The following SLIT3 variants were observed in gnomAD, a reference collection of about 807,000 sequenced individuals.
The protein encoded by SLIT3 is slit guidance ligand 3, also known as slit homolog 3 protein.
SLIT3 carries 68 observed loss-of-function variants against 184.0 expected under a neutral mutation model. The ratio of observed to expected loss-of-function variants is 0.37; its 90% CI spans 0.30 to 0.45. SLIT3 has a LOEUF of 0.45. Ranked by LOEUF, SLIT3 falls within the 20% of genes least tolerant of loss-of-function variation. SLIT3 has a pLI of 1.00. For synonymous variants in SLIT3, 831 were observed against 828.6 expected (o/e 1.00, Z -0.05); for missense variants, 1,707 against 2,026.0 (o/e 0.84, Z 3.02).
chr5:168,722,682 C>T (rs1434391819), intron 22 of SLIT3, among the ~76,000 whole-genome samples: 1 of 152,184 alleles, frequency 6.6e-6, no homozygotes, highest in Non-Finnish European at 1.5e-5. Context: ...AATTCACAAA[C>T]CACAAAAGGT....
intron 3 of SLIT3, among the ~76,000 whole-genome samples, chr5:169,197,026 T>G (rs527789161): frequency 1.1e-3 from 171 of 152,266 alleles, no homozygotes; most frequent in Non-Finnish European, 2.1e-3. Context: ...CTGTCTTCAG[T>G]GAGTAGGGTG....
intron 4 of SLIT3, among the ~76,000 whole-genome samples, chr5:169,015,047 G>A (rs1466672589): frequency 1.3e-5 from 2 of 151,764 alleles, no homozygotes; most frequent in African/African-American, 2.4e-5. Context: ...GCAAAACCTT[G>A]TCATTGATAA....
In SLIT3 at chr5:169,240,108, C is replaced by G. The variant is rs77943262; in HGVS notation, c.341+4597G>C. On this transcript the variant is annotated intron_variant, in intron 3 of 35. Coordinates refer to ENST00000519560, the MANE Select transcript of SLIT3 (RefSeq NM_003062.4). ...TTTTCTTATTAACTTCTTGATTATT[C>G]CTGCTGACAGAGAACATGCTCCATA... 7.8e-3 allele frequency among the ~76,000 whole-genome samples: 1,187 copies of G among 151,990 alleles called. 12 individuals are homozygous for G. The highest frequency in any genetic ancestry group is 0.026 in the African/African-American group (1,095 of 41,504).
intron 6 of SLIT3, among the ~76,000 whole-genome samples, chr5:168,836,275 T>C (rs1166425309): frequency 6.6e-6 from 1 of 152,184 alleles, no homozygotes; most frequent in Non-Finnish European, 1.5e-5. Context: ...GCTCCCTGGC[T>C]TGGAGGTCCA....
intron 5 of SLIT3, among the ~76,000 whole-genome samples, chr5:168,867,717 C>G (rs985254949): frequency 7.2e-5 from 11 of 152,180 alleles, no homozygotes; most frequent in African/African-American, 2.4e-4. Context: ...TTGCCTCCCC[C>G]GAGCCTTCTT....
At chr5:168,776,900 G>A (rs1755770506) in intron 12 of SLIT3, among the ~76,000 whole-genome samples, 1 of 152,082 alleles carries the variant, frequency 6.6e-6, no homozygotes, top group Admixed American at 6.6e-5. Flanking sequence ...GGCCTTCTGA[G>A]TACATCATCT....
chr5:168,854,316 T>C (rs930190410), intron 5 of SLIT3, among the ~76,000 whole-genome samples: 1 of 131,676 alleles, frequency 7.6e-6, no homozygotes, highest in Admixed American at 8.6e-5. Context: ...TTCATTGGCC[T>C]GCAAAGTATT....
chr5:168,943,792 G>A (rs921846591), intron 4 of SLIT3, among the ~76,000 whole-genome samples: 2 of 152,082 alleles, frequency 1.3e-5, no homozygotes, highest in Non-Finnish European at 2.9e-5. Context: ...TCACCTCCAT[G>A]CTCACACAGA....
At chr5:168,672,917 T>A (rs1680497404) in intron 33 of SLIT3, among the ~76,000 whole-genome samples, 2 of 152,186 alleles carry the variant, frequency 1.3e-5, no homozygotes, top group Admixed American at 1.3e-4. Flanking sequence ...CCTGCTTCCA[T>A]CTCCTGCCTC....
chr5:169,269,774 C>A (rs1050072052), intron 1 of SLIT3, among the ~76,000 whole-genome samples: 3 of 152,250 alleles, frequency 2.0e-5, no homozygotes, highest in Non-Finnish European at 4.4e-5. Context: ...AACTTCATGT[C>A]CACTCCCAAC....
At chr5:169,135,603 G>A (rs1332225253) in intron 4 of SLIT3, among the ~76,000 whole-genome samples, 1 of 152,146 alleles carries the variant, frequency 6.6e-6, no homozygotes, top group East Asian at 1.9e-4. Context: ...ATTGTTTCAT[G>A]ACACTCTTCT....
chr5:168,725,558 C>G (rs1361968218), intron 20 of SLIT3, among the ~76,000 whole-genome samples: 1 of 152,212 alleles, frequency 6.6e-6, no homozygotes, highest in Non-Finnish European at 1.5e-5. Flanking sequence ...GTCCATTTGT[C>G]AAGTGTCTGC....
At chr5:168,862,598 C>G (rs1759150143) in intron 5 of SLIT3, among the ~76,000 whole-genome samples, 1 of 152,172 alleles carries the variant, frequency 6.6e-6, no homozygotes, top group Non-Finnish European at 1.5e-5. Flanking sequence ...ACGACCCTCT[C>G]CCTATTCATT....
At chr5:169,148,100 C>A (rs115085814) in intron 4 of SLIT3, among the ~76,000 whole-genome samples, 2,742 of 152,290 alleles carry the variant, frequency 0.018, 38 homozygotes, top group Non-Finnish European at 0.028. Context: ...AGGTTCCAAT[C>A]TCAGGTCCTC....
rs999471753 is a variant in SLIT3, at chr5:168,786,047, A to G, written c.1080-69T>C. 5 of 1,075,820 alleles carry G rather than the reference A, an allele frequency of 4.6e-6. No homozygotes were observed. In the African/African-American group the frequency reaches 7.7e-5, roughly 17 times the overall value. The allele number at this position is 1,075,820 out of a possible 1,614,324, so 66.6% of individuals were successfully genotyped here. ...GCCACCAGAACCCAGTCCTGCAGGA[A>G]GCCATCACCTCGGCCAGTTCTGGGT... On this transcript the variant is annotated intron_variant, in intron 11 of 35. Transcript: ENST00000519560.
At chr5:168,710,024 G>A (rs1160860671) in intron 25 of SLIT3, 1 of 152,132 alleles carries the variant, frequency 6.6e-6, no homozygotes, top group African/African-American at 2.4e-5. Context: ...TCTATTCTCT[G>A]AGTCTTATCT....
At chr5:168,897,353 C>CT (rs1461800413) in intron 4 of SLIT3, among the ~76,000 whole-genome samples, 1 of 152,006 alleles carries the variant, frequency 6.6e-6, no homozygotes, top group East Asian at 1.9e-4. Flanking sequence ...AAGTCAGCCT[C>CT]TGAGTGCTGA....
intron 4 of SLIT3, among the ~76,000 whole-genome samples, 162 bp downstream of exon 4, chr5:169,193,317 T>C (rs1334787577): frequency 6.6e-6 from 1 of 152,074 alleles, no homozygotes; most frequent in Non-Finnish European, 1.5e-5. Context: ...GGCCTGGAAG[T>C]GTTTGTTGGG....
chr5:169,190,603 A>G (rs1763522996), intron 4 of SLIT3, among the ~76,000 whole-genome samples: 1 of 152,170 alleles, frequency 6.6e-6, no homozygotes, highest in Admixed American at 6.5e-5. Flanking sequence ...TTTCCAAGAG[A>G]TAGTCTTCAG....
Sources: gnomAD v4.1 joint callset for allele counts (sites outside exome capture counted in the v4.1 genomes callset) on GRCh38, gnomAD v4.1.1 for gene constraint, MANE v1.5 for transcripts, NCBI Gene and HGNC (gene_info 2026-07-23, HGNC 2026-07-21) for gene names.